Variants in MEMO1 observed in about 807,000 individuals in gnomAD.
MEMO1 encodes mediator of cell motility 1.
MEMO1 carries 6 observed loss-of-function variants against 45.2 expected under a neutral mutation model. That is an observed-to-expected ratio of 0.13 (90% CI 0.07 to 0.26). The LOEUF (loss-of-function observed/expected upper bound fraction) is 0.26. Among genes scored for constraint, MEMO1 ranks in the 10% least tolerant of loss-of-function variants. MEMO1 has a pLI of 1.00. For missense variants in MEMO1, 184 were observed against 370.5 expected (o/e 0.50, Z 4.13); for synonymous variants, 78 against 124.3 (o/e 0.63, Z 2.48).
intron 5 of MEMO1, 66 bp downstream of exon 5, chr2:31,920,732 T>C: frequency 2.2e-6 from 2 of 896,498 alleles, no homozygotes; most frequent in Non-Finnish European, 3.2e-6. Flanking sequence ...AGTTTTTAAA[T>C]TAATTTACAA....
intron 6 of MEMO1, among the ~76,000 whole-genome samples, chr2:31,899,161 C>T (rs948757264): frequency 6.6e-6 from 1 of 152,186 alleles, no homozygotes; most frequent in African/African-American, 2.4e-5. Flanking sequence ...CATTGACTTT[C>T]TTCACAGAAT....
chr2:31,999,532 C>T (rs563543185), intron 2 of MEMO1, among the ~76,000 whole-genome samples: 340 of 152,098 alleles, frequency 2.2e-3, no homozygotes, highest in African/African-American at 7.4e-3. Context: ...TTGCCAGGCA[C>T]GCTGGTGCCT....
chr2:31,970,536 G>A (rs997468220), intron 2 of MEMO1, among the ~76,000 whole-genome samples: 1 of 151,616 alleles, frequency 6.6e-6, no homozygotes, highest in African/African-American at 2.4e-5. Context: ...GCTTCCTGAT[G>A]AGTCTTAGGT....
chr2:31,886,238 T>G (rs1330778423), intron 7 of MEMO1, among the ~76,000 whole-genome samples: 1 of 152,230 alleles, frequency 6.6e-6, no homozygotes, highest in African/African-American at 2.4e-5. Flanking sequence ...GCTACTACAC[T>G]GAATAAATAT....
At chr2:31,995,961 C>T (rs1416872177) in intron 2 of MEMO1, among the ~76,000 whole-genome samples, 1 of 152,034 alleles carries the variant, frequency 6.6e-6, no homozygotes, top group African/African-American at 2.4e-5. Flanking sequence ...AAATACAATA[C>T]AAAATTTATA....
chr2:31,900,783 C>A (rs1678669151), intron 6 of MEMO1, among the ~76,000 whole-genome samples: 1 of 151,936 alleles, frequency 6.6e-6, no homozygotes, highest in African/African-American at 2.4e-5. Context: ...TGGCTATAAT[C>A]AAAAATACTG....
chr2:31,910,716 C>T (rs1680437545), intron 6 of MEMO1, among the ~76,000 whole-genome samples: 1 of 152,026 alleles, frequency 6.6e-6, no homozygotes, highest in Non-Finnish European at 1.5e-5. Context: ...AAAAATTAGC[C>T]AGGCATGGTG....
At chr2:31,872,621 A>G (rs561436610) in intron 8 of MEMO1, among the ~76,000 whole-genome samples, 1 of 152,192 alleles carries the variant, frequency 6.6e-6, no homozygotes, top group African/African-American at 2.4e-5. Context: ...AAAAAATACT[A>G]CTAAGTAAAG....
At chr2:31,994,929 G>GGGGGTGGAGGTAGAGCAA (rs1212417459) in intron 2 of MEMO1, among the ~76,000 whole-genome samples, 3 of 151,522 alleles carry the variant, frequency 2.0e-5, no homozygotes, top group Non-Finnish European at 4.4e-5. Context: ...GCCTTGCGGT[G>GGGGGTGGAGGTAGAGCAA]GGGGTGGAGG....
Position 31,941,304 on chromosome 2 carries a change from C to G in MEMO1, c.143+1998G>C, listed in dbSNP as rs544615611. Among the ~76,000 whole-genome samples the G allele has an allele frequency of 5.9e-5, 9 of 152,298 alleles. No individual in the cohort carries two copies. The South Asian group carries it at 1.2e-3, about 21-fold the overall frequency. On this transcript the variant is annotated intron_variant, in intron 3 of 9. Coordinates refer to ENST00000404530, the MANE Select transcript of MEMO1 (RefSeq NM_001301833.4). ...TCACTGTTCCTCAACCTGAAACCCT[C>G]TTCCCTCAGCTATCTGCACAGCTTG...
At chr2:31,972,883 G>A (rs377713166) in intron 2 of MEMO1, among the ~76,000 whole-genome samples, 44 of 152,264 alleles carry the variant, frequency 2.9e-4, no homozygotes, top group South Asian at 2.1e-3. Flanking sequence ...GAAATACAAT[G>A]ACCAATAAGC....
chr2:31,998,597 G>A (rs747151325), intron 2 of MEMO1, among the ~76,000 whole-genome samples: 2 of 151,958 alleles, frequency 1.3e-5, no homozygotes, highest in Non-Finnish European at 2.9e-5. Context: ...TCAGGAGTTC[G>A]AGACCAACCT....
At chr2:31,900,318 G>C (rs1029709811) in intron 6 of MEMO1, among the ~76,000 whole-genome samples, 1 of 152,098 alleles carries the variant, frequency 6.6e-6, no homozygotes, top group African/African-American at 2.4e-5. Flanking sequence ...AAGAAAATGA[G>C]GCACCTATAT....
At chr2:31,993,612 C>G (rs1236949831) in intron 2 of MEMO1, among the ~76,000 whole-genome samples, 1 of 152,182 alleles carries the variant, frequency 6.6e-6, no homozygotes, top group Non-Finnish European at 1.5e-5. Flanking sequence ...CAAAGGGGTT[C>G]ACTCAGGTTT....
intron 2 of MEMO1, among the ~76,000 whole-genome samples, chr2:31,993,177 A>G (rs1249251652): frequency 6.6e-6 from 1 of 152,178 alleles, no homozygotes; most frequent in Admixed American, 6.5e-5. Context: ...TGTCTCAAAA[A>G]AAAGAAAGAA....
chr2:31,882,644 T>C (rs1455415478), intron 8 of MEMO1, among the ~76,000 whole-genome samples: 2 of 152,044 alleles, frequency 1.3e-5, no homozygotes, highest in East Asian at 1.9e-4. Flanking sequence ...TAAAATAAAG[T>C]ATATGTATAA....
rs531759361 is a variant in MEMO1 at position 31,956,916 on chromosome 2, G to A, written c.62-13533C>T. ...CCCAGCACTTTGGGAGGCCGAGGCAGGCAGATCACAAGGTCAGGAGATGGA... is the reference window on the plus strand; with the variant it reads ...CCCAGCACTTTGGGAGGCCGAGGCAAGCAGATCACAAGGTCAGGAGATGGA... On this transcript the variant is annotated intron_variant, in intron 2 of 9. Transcript: ENST00000404530. Among the ~76,000 whole-genome samples the A allele has an allele frequency of 4.6e-5, 7 of 152,270 alleles. No individual in the cohort carries two copies. The East Asian group carries it at 9.7e-4, about 21-fold the overall frequency.
intron 6 of MEMO1, among the ~76,000 whole-genome samples, chr2:31,906,231 A>C (rs1195221859): frequency 6.6e-6 from 1 of 151,774 alleles, no homozygotes; most frequent in Admixed American, 6.6e-5. Context: ...CAACCTCCCA[A>C]AGTGCTGGGA....
At chr2:31,988,707 G>A (rs1412789572) in intron 2 of MEMO1, among the ~76,000 whole-genome samples, 2 of 152,094 alleles carry the variant, frequency 1.3e-5, no homozygotes, top group African/African-American at 4.8e-5. Context: ...TGATATAGCT[G>A]CAAATATTAC....
Sources: gnomAD v4.1 joint callset for allele counts (sites outside exome capture counted in the v4.1 genomes callset) on GRCh38, gnomAD v4.1.1 for gene constraint, MANE v1.5 for transcripts, NCBI Gene and HGNC (gene_info 2026-07-23, HGNC 2026-07-21) for gene names.